Variants in YY1 observed in about 807,000 individuals in gnomAD.
YY1 encodes YY1 transcription factor, also known as transcriptional repressor protein YY1.
In YY1, 2 loss-of-function variants were observed where a neutral mutation model predicts 35.6. The ratio of observed to expected loss-of-function variants is 0.06; its 90% confidence interval spans 0.02 to 0.18. The LOEUF (loss-of-function observed/expected upper bound fraction) is 0.18, where lower values mean the gene tolerates loss of function less well. Among genes scored for constraint, YY1 ranks in the 10% least tolerant of loss-of-function variants. YY1 has a pLI of 1.00. For synonymous variants in YY1, 268 were observed against 238.9 expected, an observed-to-expected ratio of 1.12 and a Z score of -1.12; for missense variants, 322 against 573.4, an observed-to-expected ratio of 0.56 and a Z score of 4.48.
intron 2 of YY1, 92 bp from the exon 3 acceptor site, chr14:100,274,606 A>G: frequency 3.5e-6 from 4 of 1,144,574 alleles, no homozygotes; most frequent in Non-Finnish European, 2.6e-6. Context: ...TTGGGTACCT[A>G]TAAGGAAAGC....
At chr14:100,240,712 G>A (rs1890724430) in intron 1 of YY1, among the ~76,000 whole-genome samples, 1 of 152,208 alleles carries the variant, frequency 6.6e-6, no homozygotes, top group African/African-American at 2.4e-5. Flanking sequence ...CGAATTCCTG[G>A]CCTTTTCGCC....
In YY1 at chr14:100,267,672, C is replaced by T. The variant is rs559270325; in HGVS notation, c.842+5206C>T. On this transcript the variant is annotated intron_variant, in intron 2 of 4. Coordinates refer to ENST00000262238, the MANE Select transcript of YY1 (RefSeq NM_003403.5). ...CCGAGTAGCTGGGACTACAGGTGCC[C>T]GCCACTACGCCCGGCTAATTTTTGT... is the stretch of plus-strand genomic sequence containing the variant. 1.3e-3 allele frequency among the ~76,000 whole-genome samples: 199 copies of T among 152,116 alleles called. 2 individuals carry two copies. The highest frequency in any genetic ancestry group is 1.8e-3 in the Non-Finnish European group (125 of 67,972).
chr14:100,274,830 C>A, intron 3 of YY1, 72 bp downstream of exon 3: 1 of 1,384,026 alleles, frequency 7.2e-7, no homozygotes, highest in Non-Finnish European at 1.0e-6. Context: ...GAAATTTGCA[C>A]TTTTGTTTCT....
At position 100,262,391 on chromosome 14, in the gene YY1, C is replaced by G; in HGVS notation, c.767C>G (p.Thr256Arg). 6.2e-7 allele frequency: 1 copy of G among 1,614,144 alleles called. No individual in the cohort carries two copies. Among genetic ancestry groups the G allele is most frequent in the Non-Finnish European group, 8.5e-7 (1 of 1,180,018 alleles). The change falls in exon 2 of 5, where the codon ACA (threonine) becomes AGA (arginine). Residue 256 changes from threonine (T) to arginine (R), a missense_variant. Thr to Arg is a moderately conservative substitution (Grantham distance 71). Around this residue, in one of 4 missense-constraint regions of YY1, gnomAD observed 26 missense variants for 212.6 expected, o/e 0.12. Transcript: ENST00000262238. ...CCTCCTGATTATTCAGAATATATGA[C>G]AGGAAAGAAACTTCCTCCTGGAGGA... ...NSPPDYSEYM[T>R]GKKLPPGGIP...
intron 1 of YY1, 133 bp from the exon 2 acceptor site, chr14:100,262,171 A>G: frequency 1.0e-6 from 1 of 967,390 alleles, no homozygotes; most frequent in South Asian, 1.6e-5. Context: ...CCAAAAAAAA[A>G]AAAGGGAGAG....
rs2139560406 is a variant in YY1, at chr14:100,239,638, C to T, written c.394C>T (p.Leu132Phe). The T allele has an allele frequency of 2.5e-6, 4 of 1,611,188 alleles. No homozygotes were observed. The highest frequency in any genetic ancestry group is 3.4e-6 in the Non-Finnish European group (4 of 1,179,568). ...RAEDGFEDQI[L>F]IPVPAPAGGD... Reference sequence around the variant, plus strand: ...CGAGGACGGCTTCGAGGATCAGATTCTCATCCCGGTGCCCGCGCCGGCCGG... The same window carrying T: ...CGAGGACGGCTTCGAGGATCAGATTTTCATCCCGGTGCCCGCGCCGGCCGG... The change falls in exon 1 of 5, where the codon CTC (leucine) becomes TTC (phenylalanine). Residue 132 changes from leucine (L) to phenylalanine (F), a missense_variant. Physicochemically the swap from Leu to Phe is conservative, Grantham distance 22. Coordinates refer to ENST00000262238, the MANE Select transcript of YY1 (RefSeq NM_003403.5).
In YY1 at chr14:100,276,825, C is replaced by T. The variant is rs2139604610; in HGVS notation, c.1062+177C>T. 3 of 809,910 alleles carry T rather than the reference C, an allele frequency of 3.7e-6. No individual in the cohort carries two copies. The South Asian group carries it at 4.8e-5, about 13-fold the overall frequency. 50.2% of individuals were successfully genotyped at this position (809,910 alleles called of 1,614,324 possible). The stretch of plus-strand genomic sequence containing the variant: ...TTAGAAGGGTTGCCGGGGCTCTGGA[C>T]ATCCTTGTCTATACTCTGTGGTACT... On this transcript the variant is annotated intron_variant, in intron 4 of 4. Coordinates refer to ENST00000262238, the MANE Select transcript of YY1 (RefSeq NM_003403.5). This position sits in a 1 kb window ranked among gnomAD's most constrained non-coding sequence, Gnocchi z 4.1.
rs891503048 is a variant in YY1, at chr14:100,267,665, AG to A, written c.842+5201del. ...CAGCCTTCCGAGTAGCTGGGACTAC[AG>A]GTGCCCGCCACTACGCCCGGCTAAT... On this transcript the variant is annotated intron_variant, in intron 2 of 4. Transcript: ENST00000262238. Among the ~76,000 whole-genome samples, 8 of 152,060 alleles carry A rather than the reference AG, an allele frequency of 5.3e-5. 1 individual carries two copies. The highest frequency in any genetic ancestry group is 1.9e-4 in the African/African-American group (8 of 41,428).
Position 100,277,101 on chromosome 14 carries a change from A to G in YY1, c.1063-317A>G. On this transcript the variant is annotated intron_variant, in intron 4 of 4. Coordinates refer to ENST00000262238, the MANE Select transcript of YY1 (RefSeq NM_003403.5). This position sits in a 1 kb window ranked among gnomAD's most constrained non-coding sequence, Gnocchi z 5.6. Reference sequence around the variant, plus strand: ...AATCTAACGTGGTTCTTTTTTGACAACTGACACCAGAACCCTTAATCATTT... The same window carrying G: ...AATCTAACGTGGTTCTTTTTTGACAGCTGACACCAGAACCCTTAATCATTT... The G allele has an allele frequency of 8.5e-6, 4 of 468,182 alleles. No homozygotes were observed. The South Asian group carries it at 9.6e-5, about 11-fold the overall frequency. The allele number at this position is 468,182 out of a possible 1,614,324, so 29.0% of individuals were successfully genotyped here.
chr14:100,272,078 C>T (rs1183212582), intron 2 of YY1, among the ~76,000 whole-genome samples: 5 of 151,830 alleles, frequency 3.3e-5, no homozygotes, highest in African/African-American at 4.8e-5. Context: ...GGGCGGATCA[C>T]GAGGTCAGGA....
At chr14:100,267,080 G>C (rs1288315348) in intron 2 of YY1, among the ~76,000 whole-genome samples, 1 of 152,140 alleles carries the variant, frequency 6.6e-6, no homozygotes, top group African/African-American at 2.4e-5. Flanking sequence ...GTAGTGGGTA[G>C]AGTGAGTAAG....
chr14:100,255,303 G>A (rs572290974), intron 1 of YY1, among the ~76,000 whole-genome samples: 61 of 152,140 alleles, frequency 4.0e-4, no homozygotes, highest in African/African-American at 1.3e-3. Flanking sequence ...TTTATTTTAA[G>A]GCAAGAAACT....
chr14:100,275,889 A>G (rs192791532), intron 3 of YY1: 19 of 161,294 alleles, frequency 1.2e-4, no homozygotes, highest in East Asian at 5.3e-4. Context: ...ACTGGTATCA[A>G]TTTGCCTGCT....
intron 1 of YY1, among the ~76,000 whole-genome samples, chr14:100,244,997 C>T (rs1460969398): frequency 1.3e-5 from 2 of 151,932 alleles, no homozygotes; most frequent in Non-Finnish European, 2.9e-5. Flanking sequence ...AGTGCAGTGG[C>T]ACGATCTCGG....
chr14:100,277,161 A>G lies in YY1; in HGVS notation c.1063-257A>G. 2 of 567,126 alleles carry G rather than the reference A, an allele frequency of 3.5e-6. No individual in the cohort carries two copies. Among genetic ancestry groups the G allele is most frequent in the Admixed American group, 3.0e-5 (1 of 33,062 alleles). The allele number at this position is 567,126 out of a possible 1,614,324, so 35.1% of individuals were successfully genotyped here. A position where few individuals can be genotyped will look rare whatever the true frequency, so the allele number is the denominator to read the frequency against. Reference sequence around the variant, plus strand: ...TGTTGGAAATGTTTACAGCAGCACTAGGACTCTAGCCTGCATTTAGGAAGA... The same window carrying G: ...TGTTGGAAATGTTTACAGCAGCACTGGGACTCTAGCCTGCATTTAGGAAGA... On this transcript the variant is annotated intron_variant, in intron 4 of 4. Coordinates refer to ENST00000262238, the MANE Select transcript of YY1 (RefSeq NM_003403.5). The surrounding 1 kb of genome is among the most constrained non-coding windows in gnomAD (Gnocchi z 5.6).
At chr14:100,245,007 G>C (rs1890810486) in intron 1 of YY1, among the ~76,000 whole-genome samples, 1 of 151,958 alleles carries the variant, frequency 6.6e-6, no homozygotes, top group Non-Finnish European at 1.5e-5. Context: ...CACGATCTCG[G>C]CTCACTGCAA....
Position 100,269,533 on chromosome 14 carries a change from G to A in YY1, c.843-5165G>A, listed in dbSNP as rs1044527952. 5.9e-5 allele frequency among the ~76,000 whole-genome samples: 9 copies of A among 152,308 alleles called. No homozygotes were observed. The East Asian group carries it at 1.7e-3, about 29-fold the overall frequency. ...TTACTTCTGAATAGTTGAGGAGGGT[G>A]AGAAGATGTTCTCAGTGGTAGTATA... On this transcript the variant is annotated intron_variant, in intron 2 of 4. Transcript: ENST00000262238.
Position 100,239,941 on chromosome 14 carries a change from G to A in YY1, c.679+18G>A, listed in dbSNP as rs895792466. On this transcript the variant is annotated intron_variant, in intron 1 of 4. Transcript: ENST00000262238. ...GTCCTCAGGTGAGCGCCGGCCGCGC[G>A]CCCCGGCCCCGGGATGTTTTTGTTT... The A allele has an allele frequency of 2.0e-6, 3 of 1,513,852 alleles. No individual in the cohort carries two copies. Among genetic ancestry groups the A allele is most frequent in the African/African-American group, 1.4e-5 (1 of 68,972 alleles). The allele number at this position is 1,513,852 out of a possible 1,614,324, so 93.8% of individuals were successfully genotyped here. A position where few individuals can be genotyped will look rare whatever the true frequency, so the allele number is the denominator to read the frequency against.
At chr14:100,241,284 C>G (rs987935858) in intron 1 of YY1, among the ~76,000 whole-genome samples, 10 of 152,140 alleles carry the variant, frequency 6.6e-5, no homozygotes, top group African/African-American at 2.4e-4. Context: ...TTCATAAATT[C>G]TCAGAACTGA....
Sources: allele counts gnomAD v4.1 joint callset (sites outside exome capture counted in the v4.1 genomes callset), GRCh38; gene constraint gnomAD v4.1.1; regional missense constraint gnomAD v4.1.1; non-coding constraint Gnocchi (gnomAD v3.1); transcripts MANE v1.5; gene names NCBI Gene and HGNC (gene_info 2026-07-23, HGNC 2026-07-21).